ABHD17C: variants seen among roughly 807,000 people sequenced by gnomAD.
ABHD17C encodes the protein alpha/beta hydrolase domain-containing protein 17C.
ABHD17C carries 11 observed loss-of-function variants against 27.9 expected under a neutral mutation model. That is an observed-to-expected ratio of 0.39 (90% CI 0.25 to 0.65). The LOEUF (loss-of-function observed/expected upper bound fraction) is 0.65. ABHD17C is among the 30% of genes least tolerant of loss of function. The pLI is 0.45. For synonymous variants in ABHD17C, 233 were observed against 209.1 expected (o/e 1.11, Z -0.98); for missense variants, 280 against 470.2 (o/e 0.60, Z 3.74).
intron 1 of ABHD17C, among the ~76,000 whole-genome samples, chr15:80,743,215 T>A (rs1308542567): frequency 1.3e-5 from 2 of 152,112 alleles, no homozygotes; most frequent in Admixed American, 1.3e-4. Flanking sequence ...TTAACCCTTG[T>A]TAAGAACCAA....
At chr15:80,742,250 A>T (rs1204961540) in intron 1 of ABHD17C, among the ~76,000 whole-genome samples, 1 of 152,154 alleles carries the variant, frequency 6.6e-6, no homozygotes, top group African/African-American at 2.4e-5. Context: ...GCTGTGATGT[A>T]ATTCATCCCA....
Position 80,695,381 on chromosome 15 carries a change from A to G in ABHD17C, c.-49A>G. ...CGTCCGTCCTCCGTCCTCCCGGGCC[A>G]GCCAGCCAGCCAGCCAGCCGGGCCG... On this transcript the variant is annotated 5_prime_UTR_variant, in exon 1 of 3. Transcript: ENST00000258884. This position sits in a 1 kb window ranked among gnomAD's most constrained non-coding sequence, Gnocchi z 4.3. The G allele has an allele frequency of 5.6e-6, 6 of 1,064,734 alleles. No homozygotes were observed. The highest frequency in any genetic ancestry group is 5.8e-6 in the Non-Finnish European group (5 of 856,734). 66.0% of individuals were successfully genotyped at this position (1,064,734 alleles called of 1,614,324 possible). A position where few individuals can be genotyped will look rare whatever the true frequency, so the allele number is the denominator to read the frequency against.
At chr15:80,747,648 C>T (rs1443163599) in intron 1 of ABHD17C, among the ~76,000 whole-genome samples, 2 of 152,178 alleles carry the variant, frequency 1.3e-5, no homozygotes, top group Non-Finnish European at 2.9e-5. Context: ...TAACCTGTTA[C>T]GCCAACGGGA....
At chr15:80,706,088 G>A (rs1302717859) in intron 1 of ABHD17C, among the ~76,000 whole-genome samples, 3 of 152,220 alleles carry the variant, frequency 2.0e-5, no homozygotes, top group African/African-American at 4.8e-5. Flanking sequence ...TTACTTATGA[G>A]ACGATCCTTA....
intron 1 of ABHD17C, among the ~76,000 whole-genome samples, chr15:80,698,719 C>G (rs1222379995): frequency 6.6e-6 from 1 of 152,224 alleles, no homozygotes; most frequent in African/African-American, 2.4e-5. Context: ...ATGCTATTCT[C>G]TCTTCTTTTA....
intron 1 of ABHD17C, among the ~76,000 whole-genome samples, chr15:80,710,896 T>G (rs1461348508): frequency 6.6e-6 from 1 of 151,892 alleles, no homozygotes; most frequent in African/African-American, 2.4e-5. Flanking sequence ...TTGATTGAGA[T>G]GGGGAGGGCT....
chr15:80,725,420 A>G (rs983702190), intron 1 of ABHD17C, among the ~76,000 whole-genome samples: 1 of 152,216 alleles, frequency 6.6e-6, no homozygotes. Context: ...CTGGTTTAGT[A>G]GTATTATAGC....
intron 1 of ABHD17C, among the ~76,000 whole-genome samples, chr15:80,731,662 T>G (rs947368130): frequency 2.6e-5 from 4 of 151,904 alleles, no homozygotes; most frequent in Non-Finnish European, 5.9e-5. Context: ...TATAATCTTT[T>G]TTTTTTTTGC....
At chr15:80,745,322 G>A (rs1023447560) in intron 1 of ABHD17C, among the ~76,000 whole-genome samples, 2 of 151,856 alleles carry the variant, frequency 1.3e-5, no homozygotes, top group African/African-American at 4.8e-5. Flanking sequence ...AATTTTGGTA[G>A]GTTTAAGTTT....
chr15:80,748,479 T>G (rs1567039473), intron 1 of ABHD17C, among the ~76,000 whole-genome samples: 1 of 152,178 alleles, frequency 6.6e-6, no homozygotes, highest in Non-Finnish European at 1.5e-5. Context: ...GGGTATAAAA[T>G]AGTAACTCAT....
intron 1 of ABHD17C, among the ~76,000 whole-genome samples, chr15:80,743,060 T>G (rs1596072908): frequency 6.6e-6 from 1 of 151,606 alleles, no homozygotes; most frequent in Non-Finnish European, 1.5e-5. Context: ...AAGCACAGAG[T>G]GCTGATGAAA....
intron 1 of ABHD17C, among the ~76,000 whole-genome samples, chr15:80,736,861 A>C (rs1050086183): frequency 3.9e-5 from 6 of 152,232 alleles, no homozygotes; most frequent in Non-Finnish European, 7.3e-5. Flanking sequence ...CAAGCCTTAC[A>C]TTAAAACAAA....
At chr15:80,721,643 T>A (rs1894899132) in intron 1 of ABHD17C, among the ~76,000 whole-genome samples, 1 of 152,222 alleles carries the variant, frequency 6.6e-6, no homozygotes, top group Non-Finnish European at 1.5e-5. Context: ...CCATAAATGC[T>A]ATTGTCATTG....
chr15:80,742,561 A>T (rs1895225125), intron 1 of ABHD17C, among the ~76,000 whole-genome samples: 1 of 152,220 alleles, frequency 6.6e-6, no homozygotes, highest in African/African-American at 2.4e-5. Context: ...CTCTTCCAGA[A>T]GCACCCTCAC....
At chr15:80,741,389 G>T (rs1464161856) in intron 1 of ABHD17C, among the ~76,000 whole-genome samples, 2 of 151,336 alleles carry the variant, frequency 1.3e-5, no homozygotes, top group African/African-American at 4.8e-5. Flanking sequence ...TAGAAGATTT[G>T]TTCTTACTGT....
chr15:80,696,688 T>C (rs1251556426), intron 1 of ABHD17C, among the ~76,000 whole-genome samples: 1 of 152,158 alleles, frequency 6.6e-6, no homozygotes, highest in Non-Finnish European at 1.5e-5. Flanking sequence ...TTGCAGGGGC[T>C]GGGAAATCTC....
chr15:80,719,954 C>T (rs56170966), intron 1 of ABHD17C, among the ~76,000 whole-genome samples: 31,022 of 151,992 alleles, frequency 0.2, 4,406 homozygotes, highest in African/African-American at 0.41. Flanking sequence ...CACACCACCA[C>T]GCCCAACCAA....
At chr15:80,707,618 G>A (rs565176001) in intron 1 of ABHD17C, among the ~76,000 whole-genome samples, 2 of 151,910 alleles carry the variant, frequency 1.3e-5, no homozygotes, top group African/African-American at 2.4e-5. Context: ...GAAAGTTTAC[G>A]AATTTGTGTT....
At chr15:80,709,655 G>T (rs1250835726) in intron 1 of ABHD17C, among the ~76,000 whole-genome samples, 1 of 152,184 alleles carries the variant, frequency 6.6e-6, no homozygotes, top group East Asian at 1.9e-4. Flanking sequence ...ATCCTGGGCT[G>T]TTGAGAGCCT....
Sources: allele counts gnomAD v4.1 joint callset (sites outside exome capture counted in the v4.1 genomes callset), GRCh38; gene constraint gnomAD v4.1.1; non-coding constraint Gnocchi (gnomAD v3.1); transcripts MANE v1.5; gene names NCBI Gene and HGNC (gene_info 2026-07-23, HGNC 2026-07-21).